Variants in ZFPM2 observed in about 807,000 individuals in gnomAD.
The protein encoded by ZFPM2 is zinc finger protein ZFPM2.
A neutral mutation model predicts 98.6 loss-of-function variants in ZFPM2; 20 were observed. That is an observed-to-expected ratio of 0.20 (90% confidence interval 0.14 to 0.29). The LOEUF (loss-of-function observed/expected upper bound fraction) is 0.29, where lower values mean the gene tolerates loss of function less well. Ranked by LOEUF, ZFPM2 falls within the 10% of genes least tolerant of loss-of-function variation. The pLI, the probability that ZFPM2 is intolerant of heterozygous loss-of-function variation, is 1.00. For missense variants in ZFPM2, 1,310 were observed against 1,388.6 expected (o/e 0.94, Z 0.90); for synonymous variants, 518 against 502.7 (o/e 1.03, Z -0.41).
Position 105,443,320 on chromosome 8 carries a change from AAAAAAC to A in ZFPM2, c.200-954_200-949del, listed in dbSNP as rs1405549785. Among the ~76,000 whole-genome samples the A allele has an allele frequency of 2.3e-3, 329 of 144,074 alleles. 14 individuals are homozygous for A. In the Middle Eastern group the frequency reaches 0.024, roughly 11 times the overall value. 94.5% of individuals were successfully genotyped at this position (144,074 alleles called of 152,430 possible). The stretch of plus-strand genomic sequence containing the variant: ...CGAGTAAGACTCCTTCTCAAAAAAC[AAAAAAC>A]AAAAAAAAAAAAACTTGGCATTATT... On this transcript the variant is annotated intron_variant, in intron 2 of 7. Transcript: ENST00000407775.
intron 4 of ZFPM2, among the ~76,000 whole-genome samples, chr8:105,584,051 T>A (rs549872588): frequency 2.0e-4 from 31 of 151,928 alleles, no homozygotes; most frequent in African/African-American, 6.8e-4. Context: ...TTTTCTTTGG[T>A]TTTTTTTGGT....
At chr8:105,654,933 A>G (rs1372620) in intron 5 of ZFPM2, among the ~76,000 whole-genome samples, 72,639 of 152,034 alleles carry the variant, frequency 0.48, 17,656 homozygotes, top group African/African-American at 0.57. Context: ...TATGATATAA[A>G]GTTTATTTGA....
intron 3 of ZFPM2, among the ~76,000 whole-genome samples, chr8:105,534,378 T>G (rs57479994): frequency 8.7e-6 from 1 of 115,080 alleles, no homozygotes; most frequent in African/African-American, 3.9e-5. Flanking sequence ...TCTTCCTTTC[T>G]TTCCTTCCTT....
chr8:105,424,012 G>A (rs1165320713), intron 2 of ZFPM2, among the ~76,000 whole-genome samples: 1 of 152,160 alleles, frequency 6.6e-6, no homozygotes, highest in Admixed American at 6.5e-5. Flanking sequence ...TCAGGTGAGG[G>A]GGGTGAGGGA....
Position 105,801,209 on chromosome 8 carries a change from G to C in ZFPM2, c.1127G>C (p.Arg376Thr), listed in dbSNP as rs780617042. ...NHCHFGFQTQRELLQHQELHV... is the reference protein window; with the variant it reads ...NHCHFGFQTQTELLQHQELHV... ...TGCCATTTCGGCTTCCAGACTCAGA[G>C]GGAGTTATTGCAGCACCAGGAGCTC... is the stretch of plus-strand genomic sequence containing the variant. The change falls in exon 8 of 8, where the codon AGG becomes ACG. Residue 376 changes from arginine (R) to threonine (T), a missense_variant. Physicochemically the swap from Arg to Thr is moderately conservative, Grantham distance 71 (BLOSUM62 -1). Coordinates refer to ENST00000407775, the MANE Select transcript of ZFPM2 (RefSeq NM_012082.4). The C allele has an allele frequency of 2.4e-5, 39 of 1,613,930 alleles. 1 individual carries two copies. In the South Asian group the frequency reaches 4.0e-4, roughly 16 times the overall value.
At chr8:105,700,712 C>G (rs890339358) in intron 5 of ZFPM2, among the ~76,000 whole-genome samples, 4 of 152,152 alleles carry the variant, frequency 2.6e-5, no homozygotes, top group African/African-American at 9.7e-5. Flanking sequence ...TCTCCTGCCT[C>G]AGGCTCCTGA....
chr8:105,601,610 A>G (rs1453606699), intron 4 of ZFPM2, among the ~76,000 whole-genome samples: 1 of 152,004 alleles, frequency 6.6e-6, no homozygotes, highest in African/African-American at 2.4e-5. Context: ...GTAACCTTAT[A>G]CCCCTCTCTG....
chr8:105,771,746 G>A (rs1007790029), intron 5 of ZFPM2, among the ~76,000 whole-genome samples: 3 of 152,220 alleles, frequency 2.0e-5, no homozygotes, highest in South Asian at 2.1e-4. Context: ...GTGAAGGGCC[G>A]ACCTTGAAAG....
At chr8:105,676,130 A>G (rs1489085986) in intron 5 of ZFPM2, 1 of 152,192 alleles carries the variant, frequency 6.6e-6, no homozygotes, top group Non-Finnish European at 1.5e-5. Flanking sequence ...GGTAAAGGGA[A>G]TGTCTCTTGC....
intron 4 of ZFPM2, among the ~76,000 whole-genome samples, chr8:105,621,332 G>C (rs375003381): frequency 6.6e-6 from 1 of 152,140 alleles, no homozygotes; most frequent in Non-Finnish European, 1.5e-5. Context: ...CTGTTTGTCT[G>C]TTATTAGTGT....
intron 4 of ZFPM2, among the ~76,000 whole-genome samples, chr8:105,586,425 T>C (rs1815717219): frequency 6.6e-6 from 1 of 152,024 alleles, no homozygotes; most frequent in African/African-American, 2.4e-5. Context: ...TATTATTTTT[T>C]ATTTATTATT....
intron 1 of ZFPM2, among the ~76,000 whole-genome samples, chr8:105,357,918 T>C (rs564519828): frequency 2.6e-5 from 4 of 152,310 alleles, no homozygotes; most frequent in South Asian, 4.1e-4. Context: ...AACTTGACCA[T>C]AGCATTTTGC....
chr8:105,447,596 G>A (rs766755723), intron 3 of ZFPM2, among the ~76,000 whole-genome samples: 1 of 152,036 alleles, frequency 6.6e-6, no homozygotes. Context: ...AACAGATTTC[G>A]ATTTCAAGGT....
intron 3 of ZFPM2, among the ~76,000 whole-genome samples, chr8:105,507,090 C>A (rs1205412993): frequency 6.6e-6 from 1 of 151,744 alleles, no homozygotes; most frequent in East Asian, 1.9e-4. Flanking sequence ...GAGTGTCAGA[C>A]CAAGGCCAGG....
chr8:105,729,635 G>A (rs909061614), intron 5 of ZFPM2, among the ~76,000 whole-genome samples: 2 of 151,488 alleles, frequency 1.3e-5, no homozygotes, highest in East Asian at 1.9e-4. Flanking sequence ...AAGATTCCCC[G>A]TGAAGAGTGT....
chr8:105,714,018 A>G (rs1157979377), intron 5 of ZFPM2, among the ~76,000 whole-genome samples: 3 of 151,970 alleles, frequency 2.0e-5, no homozygotes, highest in African/African-American at 4.8e-5. Flanking sequence ...ATTTTATAGC[A>G]ATGGTGTTGA....
At chr8:105,579,830 A>C (rs1364947218) in intron 4 of ZFPM2, among the ~76,000 whole-genome samples, 1 of 152,004 alleles carries the variant, frequency 6.6e-6, no homozygotes, top group African/African-American at 2.4e-5. Flanking sequence ...TATTTGTTTA[A>C]TCTTTTGCAA....
intron 5 of ZFPM2, among the ~76,000 whole-genome samples, chr8:105,666,983 G>GA (rs1251113040): frequency 1.3e-5 from 2 of 152,144 alleles, no homozygotes; most frequent in South Asian, 4.1e-4. Context: ...GTCATCTCCA[G>GA]AAAAAACACT....
At chr8:105,619,866 C>T (rs957303496) in intron 4 of ZFPM2, among the ~76,000 whole-genome samples, 1 of 152,034 alleles carries the variant, frequency 6.6e-6, no homozygotes, top group African/African-American at 2.4e-5. Context: ...AGAACTCATC[C>T]TTTTTTATGG....
Sources: gnomAD v4.1 joint callset for allele counts (sites outside exome capture counted in the v4.1 genomes callset) on GRCh38, gnomAD v4.1.1 for gene constraint, MANE v1.5 for transcripts, NCBI Gene and HGNC (gene_info 2026-07-23, HGNC 2026-07-21) for gene names.